Variants in PCDHA1 observed in about 807,000 individuals in gnomAD.
PCDHA1 encodes protocadherin alpha-1.
A neutral mutation model predicts 61.3 loss-of-function variants in PCDHA1; 42 were observed. The observed-to-expected ratio is 0.69, with a 90% CI of 0.54 to 0.89. The LOEUF (loss-of-function observed/expected upper bound fraction) is 0.89. PCDHA1 is among the 40% of genes least tolerant of loss of function. The pLI is 0.00. For missense variants in PCDHA1, 1,256 were observed against 1,235.3 expected (o/e 1.02, Z -0.25); for synonymous variants, 610 against 553.8 (o/e 1.10, Z -1.43).
At chr5:141,000,993 C>A (rs1273666357) in intron 3 of PCDHA1, among the ~76,000 whole-genome samples, 1 of 151,964 alleles carries the variant, frequency 6.6e-6, no homozygotes, top group Non-Finnish European at 1.5e-5. Context: ...AATAAATATG[C>A]TTTAAATATG....
intron 1 of PCDHA1, chr5:140,862,499 G>T (rs1581644581): frequency 2.5e-6 from 1 of 396,118 alleles, no homozygotes; most frequent in East Asian, 6.8e-5. Flanking sequence ...CGCTCGGAAT[G>T]GGGACTCGCT....
intron 1 of PCDHA1, chr5:140,802,659 G>A (rs1581653520): frequency 6.2e-7 from 1 of 1,613,582 alleles, no homozygotes; most frequent in Non-Finnish European, 8.5e-7. Context: ...GCAGGAGAAC[G>A]CCCTGGTGTC....
At chr5:140,946,295 C>T (rs543000779) in intron 1 of PCDHA1, among the ~76,000 whole-genome samples, 2 of 151,940 alleles carry the variant, frequency 1.3e-5, no homozygotes, top group South Asian at 4.1e-4. Context: ...TCACCTCACA[C>T]CTGGTAGAAT....
In PCDHA1 at chr5:140,798,765, A is replaced by C. The variant is rs1173102956; in HGVS notation, c.2394+10081A>C. Among the ~76,000 whole-genome samples, 4 of 152,096 alleles carry C rather than the reference A, an allele frequency of 2.6e-5. No homozygotes were observed. The East Asian group carries it at 7.7e-4, about 29-fold the overall frequency. On this transcript the variant is annotated intron_variant, in intron 1 of 3. Transcript: ENST00000504120. ...TTATTTTGGGTAATTATAACACTGAACTCGACAAGTAAATGTTACACTTGG... is the reference window on the plus strand; with the variant it reads ...TTATTTTGGGTAATTATAACACTGACCTCGACAAGTAAATGTTACACTTGG...
chr5:140,846,760 A>G (rs2150394532), intron 1 of PCDHA1, among the ~76,000 whole-genome samples: 3 of 149,554 alleles, frequency 2.0e-5, no homozygotes, highest in South Asian at 4.2e-4. Flanking sequence ...CTCTAACAGC[A>G]TATCATCATG....
chr5:140,877,068 G>C (rs1050946101), intron 1 of PCDHA1: 4 of 1,613,122 alleles, frequency 2.5e-6, no homozygotes, highest in Non-Finnish European at 3.4e-6. Context: ...AGCTGCTGCA[G>C]TTCCAGGTGA....
chr5:140,797,263 A>T, intron 1 of PCDHA1: 1 of 1,614,188 alleles, frequency 6.2e-7, no homozygotes, highest in South Asian at 1.1e-5. Flanking sequence ...CCCCCCCAAG[A>T]CGGACCTCAT....
intron 1 of PCDHA1, among the ~76,000 whole-genome samples, chr5:140,821,244 T>C (rs186951074): frequency 6.6e-6 from 1 of 152,324 alleles, no homozygotes; most frequent in African/African-American, 2.4e-5. Flanking sequence ...AAGTCAAAAC[T>C]TTAACTCTTA....
rs2150531861 is a variant in PCDHA1, at chr5:140,853,433, C to T, written c.2394+64749C>T. Reference sequence around the variant, plus strand: ...AGGTGAAAGCAGAAGAGACACTTTCCTATTTTGCCTAATAGGTCTCCTTAT... The same window carrying T: ...AGGTGAAAGCAGAAGAGACACTTTCTTATTTTGCCTAATAGGTCTCCTTAT... On this transcript the variant is annotated intron_variant, in intron 1 of 3. Coordinates refer to ENST00000504120, the MANE Select transcript of PCDHA1 (RefSeq NM_018900.4). The T allele has an allele frequency of 2.1e-5, 21 of 984,946 alleles. 3 individuals carry two copies. The highest frequency in any genetic ancestry group is 2.3e-5 in the Non-Finnish European group (19 of 817,128). 61.0% of individuals were successfully genotyped at this position (984,946 alleles called of 1,614,324 possible).
chr5:140,941,190 TTTTTCTTTCTTC>T (rs1475511565), intron 1 of PCDHA1, among the ~76,000 whole-genome samples: 3 of 129,438 alleles, frequency 2.3e-5, no homozygotes, highest in South Asian at 2.5e-4. Context: ...TGCTTCTTTT[TTTTTCTTTCTTC>T]CTTTCTTTCT....
At chr5:140,985,945 T>C (rs1432402407) in intron 3 of PCDHA1, among the ~76,000 whole-genome samples, 1 of 152,080 alleles carries the variant, frequency 6.6e-6, no homozygotes, top group Non-Finnish European at 1.5e-5. Flanking sequence ...TTCACTGTGT[T>C]AGCCAGGATG....
intron 1 of PCDHA1, among the ~76,000 whole-genome samples, chr5:140,831,520 CTTTTT>C (rs2150195630): frequency 0.11 from 13,870 of 122,344 alleles, 1,092 homozygotes; most frequent in African/African-American, 0.22. Flanking sequence ...TGCCCCCCAC[CTTTTT>C]TTTTTTTTTT....
At chr5:140,979,690 A>G (rs2096860224) in intron 2 of PCDHA1, among the ~76,000 whole-genome samples, 1 of 152,252 alleles carries the variant, frequency 6.6e-6, no homozygotes, top group Non-Finnish European at 1.5e-5. Context: ...ATTAACTACC[A>G]TTATTTCTGG....
chr5:140,846,135 C>T (rs2150384965), intron 1 of PCDHA1, among the ~76,000 whole-genome samples: 2 of 149,570 alleles, frequency 1.3e-5, no homozygotes, highest in African/African-American at 4.9e-5. Context: ...TGTATGTTTC[C>T]CATATTTAAA....
At chr5:140,844,886 G>A (rs1779598763) in intron 1 of PCDHA1, among the ~76,000 whole-genome samples, 1 of 149,368 alleles carries the variant, frequency 6.7e-6, no homozygotes, top group Admixed American at 6.7e-5. Context: ...TAGACTTCGT[G>A]CATATTGCTT....
At chr5:140,968,961 A>G (rs1554231270) in intron 1 of PCDHA1, 1 of 1,614,088 alleles carries the variant, frequency 6.2e-7, no homozygotes, top group African/African-American at 1.3e-5. Context: ...ATCAAGTGCT[A>G]CCGCTACACT....
intron 1 of PCDHA1, chr5:140,967,210 C>T (rs146322183): frequency 1.4e-4 from 231 of 1,613,674 alleles, no homozygotes; most frequent in Admixed American, 5.0e-4. Flanking sequence ...CACCGCGTTT[C>T]CCGCGGCCCA....
At chr5:140,987,952 C>T (rs1176597775) in intron 3 of PCDHA1, among the ~76,000 whole-genome samples, 1 of 152,128 alleles carries the variant, frequency 6.6e-6, no homozygotes, top group African/African-American at 2.4e-5. Flanking sequence ...TCTGACAAAA[C>T]CAACTCCCCA....
chr5:140,822,148 A>T, intron 1 of PCDHA1: 1 of 1,614,274 alleles, frequency 6.2e-7, no homozygotes, highest in African/African-American at 1.3e-5. Context: ...AGTGAAGGAC[A>T]TCAATGACAA....
Sources: allele counts gnomAD v4.1 joint callset (sites outside exome capture counted in the v4.1 genomes callset), GRCh38; gene constraint gnomAD v4.1.1; transcripts MANE v1.5; gene names NCBI Gene and HGNC (gene_info 2026-07-23, HGNC 2026-07-21).